The following STAT5B variants were observed in gnomAD, a reference collection of about 807,000 sequenced individuals.
The protein encoded by STAT5B is transcription factor STAT5B.
Under a neutral mutation model 107.8 loss-of-function variants are expected in STAT5B, and 21 were observed. The ratio of observed to expected loss-of-function variants is 0.19; its 90% CI spans 0.14 to 0.28. The LOEUF (loss-of-function observed/expected upper bound fraction) is 0.28. STAT5B is among the 10% of genes least tolerant of loss of function. The pLI is 1.00. For missense variants in STAT5B, 565 were observed against 1,008.2 expected, an observed-to-expected ratio of 0.56 and a Z score of 5.95; for synonymous variants, 325 against 401.7, an observed-to-expected ratio of 0.81 and a Z score of 2.28.
the STAT5B span, among the ~76,000 whole-genome samples, chr17:42,282,073 G>A: frequency 2.6e-5 from 4 of 152,106 alleles, no homozygotes; most frequent in Non-Finnish European, 5.9e-5. Context: ...TGGTGGGGGT[G>A]GTCAGTGAAC....
intron 1 of STAT5B, among the ~76,000 whole-genome samples, chr17:42,257,694 T>A (rs2144380228): frequency 6.6e-6 from 1 of 152,220 alleles, no homozygotes; most frequent in Non-Finnish European, 1.5e-5. Flanking sequence ...GAGCATGGAG[T>A]TAAAAATTCA....
At chr17:42,256,980 T>C (rs766737075) in intron 1 of STAT5B, among the ~76,000 whole-genome samples, 7 of 151,530 alleles carry the variant, frequency 4.6e-5, no homozygotes, top group Non-Finnish European at 7.4e-5. Context: ...TATATATGCA[T>C]AGGAAAAAAC....
chr17:42,204,839 C>T (rs2080073450), intron 16 of STAT5B, among the ~76,000 whole-genome samples: 1 of 152,024 alleles, frequency 6.6e-6, no homozygotes, highest in South Asian at 2.1e-4. Context: ...GTCTCAAACT[C>T]CTAGGCTCAA....
rs201916641 is a variant in STAT5B at position 42,227,652 on chromosome 17, G to A, written c.162C>T (p.Asn54=). 5.9e-5 allele frequency: 96 copies of A among 1,614,010 alleles called. No individual in the cohort carries two copies. The Admixed American group carries it at 1.5e-3, about 26-fold the overall frequency. ...DSVDLDNPQE[N]IKATQLLEGL... ...CCTCCAGGAGCTGGGTGGCCTTAAT[G>A]TTCTCCTGTGGATTATCAAGATCTA... Residue 54 remains asparagine, a synonymous_variant, in exon 3 of 19, where the codon AAC becomes AAT. Transcript: ENST00000293328.
At chr17:42,253,174 G>A (rs1470067307) in intron 1 of STAT5B, among the ~76,000 whole-genome samples, 1 of 152,076 alleles carries the variant, frequency 6.6e-6, no homozygotes, top group Non-Finnish European at 1.5e-5. Context: ...CTACAGGACA[G>A]AATGCCAACT....
chr17:42,247,142 G>A (rs1407516783), intron 1 of STAT5B, among the ~76,000 whole-genome samples: 2 of 152,198 alleles, frequency 1.3e-5, no homozygotes, highest in East Asian at 1.9e-4. Flanking sequence ...ATCTTGCTAA[G>A]GGGGCCCTGA....
chr17:42,268,344 G>C (rs1391755730), intron 1 of STAT5B, among the ~76,000 whole-genome samples: 2 of 152,152 alleles, frequency 1.3e-5, no homozygotes, highest in African/African-American at 4.8e-5. Flanking sequence ...CAGGTTTGTA[G>C]TCTAGGAGCA....
chr17:42,211,863 C>T (rs2080132176), intron 13 of STAT5B, 121 bp downstream of exon 13: 1 of 1,451,936 alleles, frequency 6.9e-7, no homozygotes, highest in African/African-American at 1.4e-5. Context: ...TCAGAAGCTT[C>T]TATTACTTTC....
chr17:42,222,628 G>C (rs781702961), intron 5 of STAT5B, among the ~76,000 whole-genome samples: 5 of 151,860 alleles, frequency 3.3e-5, no homozygotes, highest in Non-Finnish European at 5.9e-5. Context: ...CTCCTGCCCT[G>C]GCCTCCCAAA....
chr17:42,206,924 T>C (rs2144208280), intron 16 of STAT5B, among the ~76,000 whole-genome samples: 2 of 150,728 alleles, frequency 1.3e-5, no homozygotes, highest in South Asian at 4.2e-4. Context: ...TTGCCCAGGC[T>C]GGAGTGTGGT....
At chr17:42,214,492 C>T (rs1232386195) in intron 12 of STAT5B, 41 of 985,290 alleles carry the variant, frequency 4.2e-5, no homozygotes, top group Non-Finnish European at 4.6e-5. Context: ...AGCCTCTCCA[C>T]GTGAGCCAGA....
intron 2 of STAT5B, among the ~76,000 whole-genome samples, chr17:42,228,924 A>T (rs1323663852): frequency 6.6e-6 from 1 of 152,206 alleles, no homozygotes; most frequent in Non-Finnish European, 1.5e-5. Flanking sequence ...ACAAAGCAAG[A>T]TTCTCTCTAC....
intron 11 of STAT5B, 61 bp from the exon 12 acceptor site, chr17:42,216,167 T>A: frequency 7.7e-7 from 1 of 1,303,360 alleles, no homozygotes; most frequent in Non-Finnish European, 1.0e-6. Context: ...CCTTCTCTCT[T>A]TTTTTTTTTT....
chr17:42,269,444 G>A (rs2080703526), intron 1 of STAT5B: 1 of 152,090 alleles, frequency 6.6e-6, no homozygotes, highest in Admixed American at 6.6e-5. Context: ...CCTAAAGGCT[G>A]GAAAACCCCA....
At chr17:42,264,196 TC>T (rs1221557256) in intron 1 of STAT5B, among the ~76,000 whole-genome samples, 4 of 152,008 alleles carry the variant, frequency 2.6e-5, no homozygotes, top group Admixed American at 1.3e-4. Context: ...TTTGTACAAA[TC>T]TTTTTTTTTT....
At chr17:42,282,612 T>C in the STAT5B span, among the ~76,000 whole-genome samples, 662 of 152,302 alleles carry the variant, frequency 4.3e-3, 1 homozygote, top group African/African-American at 0.015. Context: ...AGTGCTAGGA[T>C]TACAGGCTTG....
At chr17:42,278,850 G>A (rs374489412), upstream of STAT5B, among the ~76,000 whole-genome samples, 429 of 151,712 alleles carry the variant, frequency 2.8e-3, 1 homozygote, top group African/African-American at 0.01. Flanking sequence ...GTGGTGGTGC[G>A]CGCCTGTAGT....
Position 42,253,683 on chromosome 17 carries a change from G to C in STAT5B, c.-10-21546C>G, listed in dbSNP as rs1020346390. On this transcript the variant is annotated intron_variant, in intron 1 of 18. Coordinates refer to ENST00000293328, the MANE Select transcript of STAT5B (RefSeq NM_012448.4). ...GCCAGTCTTGGTTTTGGATGATGATGATTATTTTTAGAGACAGGGTCTTGT... is the reference window on the plus strand; with the variant it reads ...GCCAGTCTTGGTTTTGGATGATGATCATTATTTTTAGAGACAGGGTCTTGT... Among the ~76,000 whole-genome samples, 3 of 152,096 alleles carry C rather than the reference G, an allele frequency of 2.0e-5. No individual in the cohort carries two copies. The South Asian group carries it at 6.2e-4, about 32-fold the overall frequency.
intron 1 of STAT5B, chr17:42,269,402 T>G (rs918165755): frequency 6.6e-6 from 1 of 152,124 alleles, no homozygotes; most frequent in Admixed American, 6.6e-5. Flanking sequence ...CAACAAAAAA[T>G]AGTTTCTCAC....
Sources: allele counts gnomAD v4.1 joint callset (sites outside exome capture counted in the v4.1 genomes callset), GRCh38; gene constraint gnomAD v4.1.1; transcripts MANE v1.5; gene names NCBI Gene and HGNC (gene_info 2026-07-23, HGNC 2026-07-21).